Variants in CATSPER4 observed in about 807,000 individuals in gnomAD.
The protein encoded by CATSPER4 is cation channel sperm associated 4.
A neutral mutation model predicts 54.4 loss-of-function variants in CATSPER4; 46 were observed. The ratio of observed to expected loss-of-function variants is 0.84; its 90% CI spans 0.67 to 1.08. The LOEUF is 1.08. Ranked by LOEUF, CATSPER4 falls within the 50% of genes least tolerant of loss-of-function variation. CATSPER4 has a pLI of 0.00. For missense variants in CATSPER4, 574 were observed against 612.8 expected (o/e 0.94, Z 0.67); for synonymous variants, 230 against 231.9 (o/e 0.99, Z 0.08).
Position 26,200,018 on chromosome 1 carries a change from C to T in CATSPER4, c.947C>T (p.Ala316Val). Residue 316 changes from alanine (A) to valine (V), a missense_variant, in exon 7 of 10, where the codon GCA (alanine) becomes GTA (valine). Physicochemically the swap from Ala to Val is moderately conservative, Grantham distance 64 (BLOSUM62 0). Coordinates refer to ENST00000456354, the MANE Select transcript of CATSPER4 (RefSeq NM_198137.2). Reference sequence around the variant, plus strand: ...ACCAACCTGGAGCAAATGATGAAGGCAGGAGAGCAGGGACAACAGCAACGA... The same window carrying T: ...ACCAACCTGGAGCAAATGATGAAGGTAGGAGAGCAGGGACAACAGCAACGA... ...VTTNLEQMMK[A>V]GEQGQQQRIT... The T allele has an allele frequency of 6.2e-7, 1 of 1,613,830 alleles. No homozygotes were observed. The highest frequency in any genetic ancestry group is 8.5e-7 in the Non-Finnish European group (1 of 1,179,868).
rs762961571 is a variant in CATSPER4, at chr1:26,193,925, G to C, written c.459+37G>C. ...AGCCCTTTGCCCCTACTTCCCCCTG[G>C]GGACTGCACACCACCCAGTCTGCCC... is the stretch of plus-strand genomic sequence containing the variant. On this transcript the variant is annotated intron_variant, in intron 3 of 9. Transcript: ENST00000456354. 1.4e-5 allele frequency: 20 copies of C among 1,407,436 alleles called. No individual in the cohort carries two copies. The Admixed American group carries it at 3.0e-4, about 21-fold the overall frequency. The allele number at this position is 1,407,436 out of a possible 1,614,324, so 87.2% of individuals were successfully genotyped here.
chr1:26,191,209 C>A lies in CATSPER4; in HGVS notation c.214-78C>A, dbSNP rs1454582611. On this transcript the variant is annotated intron_variant, in intron 1 of 9. Coordinates refer to ENST00000456354, the MANE Select transcript of CATSPER4 (RefSeq NM_198137.2). ...CTCTAGAGTGGGCCCCAGGAACCCC[C>A]ATTCTCTAAGAGCAAACCCCCAGGC... 34 of 1,567,398 alleles carry A rather than the reference C, an allele frequency of 2.2e-5. No homozygotes were observed. In the East Asian group the frequency reaches 7.6e-4, roughly 35 times the overall value.
intron 7 of CATSPER4, 113 bp downstream of exon 7, chr1:26,200,171 A>G: frequency 2.4e-6 from 3 of 1,273,562 alleles, no homozygotes; most frequent in Middle Eastern, 2.4e-4. Context: ...GAGAAAGCCA[A>G]GTTGGAGGCC....
chr1:26,199,697 T>C (rs1460616390), intron 6 of CATSPER4, among the ~76,000 whole-genome samples, 187 bp from the exon 7 acceptor site: 1 of 152,080 alleles, frequency 6.6e-6, no homozygotes, highest in Admixed American at 6.6e-5. Context: ...GCTCACTGTC[T>C]GGCAGCACAG....
At position 26,202,842 on chromosome 1, in the gene CATSPER4, C is replaced by A; in HGVS notation, c.*300C>A. 2.1e-6 allele frequency: 1 copy of A among 477,984 alleles called. No individual in the cohort carries two copies. The allele number at this position is 477,984 out of a possible 1,614,324, so 29.6% of individuals were successfully genotyped here. Reference sequence around the variant, plus strand: ...AGGATTTGACCTAAGGATGGGGATCCCTGGCCCCCTGCTCTTGCCCAGAGC... The same window carrying A: ...AGGATTTGACCTAAGGATGGGGATCACTGGCCCCCTGCTCTTGCCCAGAGC... On this transcript the variant is annotated 3_prime_UTR_variant, in exon 10 of 10. Transcript: ENST00000456354.
In CATSPER4 at chr1:26,200,974, T is replaced by C; in HGVS notation, c.1132T>C (p.Cys378Arg). Residue 378 changes from cysteine (C) to arginine (R), a missense_variant, in exon 8 of 10, where the codon TGC becomes CGC. Transcript: ENST00000456354. ...NLSENTCDNF[C>R]LVLEAIQENL... ...CTCAGAAAACACGTGTGACAACTTT[T>C]GCTTGGTGCTTGAGGCAATACAGGA... is the stretch of plus-strand genomic sequence containing the variant. 1 of 1,614,114 alleles carries C rather than the reference T, an allele frequency of 6.2e-7. No homozygotes were observed. The highest frequency in any genetic ancestry group is 8.5e-7 in the Non-Finnish European group (1 of 1,180,018).
intron 5 of CATSPER4, 90 bp from the exon 6 acceptor site, chr1:26,198,196 T>A (rs2088965555): frequency 6.2e-7 from 1 of 1,613,534 alleles, no homozygotes; most frequent in African/African-American, 1.3e-5. Context: ...CCCTGTGATT[T>A]CCTCAGCAGC....
At chr1:26,191,167 C>T in intron 1 of CATSPER4, 120 bp from the exon 2 acceptor site, 1 of 1,171,568 alleles carries the variant, frequency 8.5e-7, no homozygotes, top group Non-Finnish European at 1.2e-6. Context: ...ATGATCCACT[C>T]TCAGATGATT....
intron 7 of CATSPER4, among the ~76,000 whole-genome samples, chr1:26,200,273 C>G (rs563298834): frequency 6.6e-6 from 1 of 152,098 alleles, no homozygotes; most frequent in Non-Finnish European, 1.5e-5. Flanking sequence ...TCTATGGCAA[C>G]TCAAAACTGA....
At position 26,190,742 on chromosome 1, in the gene CATSPER4, A is replaced by G. The variant is rs538723153; in HGVS notation, c.115A>G (p.Arg39Gly). ...GTTTGGAGGGGCAGTAGCTGCACTG[A>G]GGGGCCGCCCCTCTCCCCTGCAGAG... is the stretch of plus-strand genomic sequence containing the variant. ...MGFGGAVAAL[R>G]GRPSPLQSTI... Residue 39 changes from arginine (R) to glycine (G), a missense_variant, in exon 1 of 10, where the codon AGG becomes GGG. Coordinates refer to ENST00000456354, the MANE Select transcript of CATSPER4 (RefSeq NM_198137.2). 1.5e-5 allele frequency: 25 copies of G among 1,613,450 alleles called. No homozygotes were observed. The African/African-American group carries it at 3.3e-4, about 22-fold the overall frequency.
At chr1:26,193,016 C>T (rs571235872) in intron 2 of CATSPER4, among the ~76,000 whole-genome samples, 33 of 151,568 alleles carry the variant, frequency 2.2e-4, no homozygotes, top group Non-Finnish European at 4.3e-4. Flanking sequence ...GTAGGAGAAT[C>T]GCTTGAACCC....
chr1:26,202,397 TG>T (rs758834845), intron 9 of CATSPER4, 91 bp from the exon 10 acceptor site: 50 of 1,153,552 alleles, frequency 4.3e-5, no homozygotes, highest in Non-Finnish European at 6.0e-5. Flanking sequence ...GAGGCCTGGC[TG>T]GGGAAGCTGG....
chr1:26,198,464 G>A (rs1348675578), intron 6 of CATSPER4, 45 bp downstream of exon 6: 1 of 1,612,766 alleles, frequency 6.2e-7, no homozygotes, highest in South Asian at 1.1e-5. Context: ...CTATGGGGCA[G>A]GGTAGCCGGT....
intron 3 of CATSPER4, among the ~76,000 whole-genome samples, chr1:26,197,256 C>T (rs1367426963): frequency 6.6e-6 from 1 of 152,132 alleles, no homozygotes; most frequent in African/African-American, 2.4e-5. Flanking sequence ...TCAGAACTGG[C>T]TACTGAAGCA....
rs1227364424 is a variant in CATSPER4 at position 26,201,535 on chromosome 1, C to T, written c.1365+16C>T. 1 of 1,613,598 alleles carries T rather than the reference C, an allele frequency of 6.2e-7. No homozygotes were observed. The highest frequency in any genetic ancestry group is 8.5e-7 in the Non-Finnish European group (1 of 1,179,706). On this transcript the variant is annotated intron_variant, in intron 9 of 9. Transcript: ENST00000456354. The stretch of plus-strand genomic sequence containing the variant: ...CATGGAAAAGGTGTGCCTTCCTTCT[C>T]CTACCCAATGGGTACTCGCCCTGAC...
At chr1:26,190,880 C>A (rs768628274) in intron 1 of CATSPER4, 40 bp downstream of exon 1, 1 of 1,553,410 alleles carries the variant, frequency 6.4e-7, no homozygotes, top group Non-Finnish European at 8.7e-7. Context: ...CCTTCTGCAG[C>A]TGTGCTCATG....
chr1:26,202,543 G>A lies in CATSPER4; in HGVS notation c.*1G>A, dbSNP rs755615424. The A allele has an allele frequency of 6.2e-7, 1 of 1,610,292 alleles. No individual in the cohort carries two copies. Among genetic ancestry groups the A allele is most frequent in the Non-Finnish European group, 8.5e-7 (1 of 1,178,110 alleles). On this transcript the variant is annotated 3_prime_UTR_variant, in exon 10 of 10. Transcript: ENST00000456354. The stretch of plus-strand genomic sequence containing the variant: ...TAAAAAACACAAGAGCAGCCACTGA[G>A]AGGCCAGGATGGGAGCCAAGGGGCC...
rs755501499 is a variant in CATSPER4 at position 26,191,278 on chromosome 1, C to G, written c.214-9C>G. On this transcript the variant is annotated splice_polypyrimidine_tract_variant and intron_variant, in intron 1 of 9. Coordinates refer to ENST00000456354, the MANE Select transcript of CATSPER4 (RefSeq NM_198137.2). ...CACCTGCCTGAAGGAAGGTCCTGCCCTCTTCCAGGACGCCTGGGACATGCA... is the reference window on the plus strand; with the variant it reads ...CACCTGCCTGAAGGAAGGTCCTGCCGTCTTCCAGGACGCCTGGGACATGCA... The G allele has an allele frequency of 2.0e-5, 32 of 1,613,892 alleles. No individual in the cohort carries two copies. In the Admixed American group the frequency reaches 5.3e-4, roughly 27 times the overall value.
At chr1:26,193,985 T>C in intron 3 of CATSPER4, 97 bp downstream of exon 3, 1 of 838,042 alleles carries the variant, frequency 1.2e-6, no homozygotes, top group African/African-American at 1.7e-5. Context: ...AGGGTGTGAG[T>C]ATGTGTGTGT....
Sources: allele counts gnomAD v4.1 joint callset (sites outside exome capture counted in the v4.1 genomes callset), GRCh38; gene constraint gnomAD v4.1.1; transcripts MANE v1.5; gene names NCBI Gene and HGNC (gene_info 2026-07-23, HGNC 2026-07-21).